Variants in TMEM132B observed in about 807,000 individuals in gnomAD.
TMEM132B encodes the protein transmembrane protein 132B.
Under a neutral mutation model 90.8 loss-of-function variants are expected in TMEM132B, and 18 were observed. The ratio of observed to expected loss-of-function variants is 0.20; its 90% confidence interval spans 0.14 to 0.29. TMEM132B has a LOEUF of 0.29. Among genes scored for constraint, TMEM132B ranks in the 10% least tolerant of loss-of-function variants. TMEM132B has a pLI of 1.00. For synonymous variants in TMEM132B, 504 were observed against 523.3 expected, an observed-to-expected ratio of 0.96 and a Z score of 0.50; for missense variants, 1,096 against 1,326.8, an observed-to-expected ratio of 0.83 and a Z score of 2.70.
At chr12:125,453,082 C>T (rs56863231) in intron 3 of TMEM132B, among the ~76,000 whole-genome samples, 1 of 110,916 alleles carries the variant, frequency 9.0e-6, no homozygotes, top group South Asian at 2.6e-4. Flanking sequence ...GTAAAACACA[C>T]ACACACACAC....
At position 125,619,112 on chromosome 12, in the gene TMEM132B, C is replaced by T. The variant is rs574490618; in HGVS notation, c.1438-24964C>T. ...GTATCAAATGGCTATGTTTATGTTG[C>T]CCCAATGATTTTCTTCTGGCTGTTT... On this transcript the variant is annotated intron_variant, in intron 5 of 8. Transcript: ENST00000682704. Among the ~76,000 whole-genome samples the T allele has an allele frequency of 1.9e-4, 29 of 152,062 alleles. No individual in the cohort carries two copies. In the South Asian group the frequency reaches 5.4e-3, roughly 28 times the overall value.
intron 1 of TMEM132B, among the ~76,000 whole-genome samples, chr12:125,240,401 G>A (rs912670859): frequency 2.0e-5 from 3 of 152,158 alleles, no homozygotes; most frequent in African/African-American, 7.2e-5. Context: ...TGTTATTAGA[G>A]CTGACATCTT....
In TMEM132B at chr12:125,407,800, C is replaced by T. The variant is rs568705840; in HGVS notation, c.960-7731C>T. ...ACATTTGGGTTCACCTGGAGACCTACCAGTGAACGTGGGCAGTGGTGGAGC... is the reference window on the plus strand; with the variant it reads ...ACATTTGGGTTCACCTGGAGACCTATCAGTGAACGTGGGCAGTGGTGGAGC... On this transcript the variant is annotated intron_variant, in intron 2 of 8. Transcript: ENST00000682704. This position sits in a 1 kb window ranked among gnomAD's most constrained non-coding sequence, Gnocchi z 6.7. Among the ~76,000 whole-genome samples the T allele has an allele frequency of 8.5e-5, 13 of 152,320 alleles. No homozygotes were observed. The highest frequency in any genetic ancestry group is 7.8e-4 in the Admixed American group (12 of 15,308).
chr12:125,246,339 C>T lies in TMEM132B; in HGVS notation c.67+59473C>T, dbSNP rs1331623464. Among the ~76,000 whole-genome samples, 2 of 152,180 alleles carry T rather than the reference C, an allele frequency of 1.3e-5. No individual in the cohort carries two copies. Among genetic ancestry groups the T allele is most frequent in the Non-Finnish European group, 2.9e-5 (2 of 68,034 alleles). ...GTTTGGAGTTAGGGAGCAAGTTGATCCGTGTAAATAATGCAAAGGATTATG... is the reference window on the plus strand; with the variant it reads ...GTTTGGAGTTAGGGAGCAAGTTGATTCGTGTAAATAATGCAAAGGATTATG... On this transcript the variant is annotated intron_variant, in intron 1 of 8. Coordinates refer to ENST00000682704, the MANE Select transcript of TMEM132B (RefSeq NM_001366854.1). The surrounding 1 kb of genome is among the most constrained non-coding windows in gnomAD (Gnocchi z 4.2).
chr12:125,589,547 T>A (rs986218649), intron 5 of TMEM132B, among the ~76,000 whole-genome samples: 2 of 149,296 alleles, frequency 1.3e-5, no homozygotes, highest in African/African-American at 4.9e-5. Flanking sequence ...AAAAGAGGTT[T>A]AATTGGCTCA....
chr12:125,420,261 T>C (rs1187054916), intron 3 of TMEM132B, among the ~76,000 whole-genome samples: 1 of 152,236 alleles, frequency 6.6e-6, no homozygotes, highest in Non-Finnish European at 1.5e-5. Context: ...GGTTCTCCAT[T>C]AGGGCTCTGC....
intron 3 of TMEM132B, among the ~76,000 whole-genome samples, chr12:125,422,273 GGTCTCAGAGCCA>G: frequency 6.6e-6 from 1 of 152,310 alleles, no homozygotes; most frequent in East Asian, 1.9e-4. Context: ...GATTTCCTGA[GGTCTCAGAGCCA>G]GTATGTGGTC....
At chr12:125,278,388 G>A (rs1875064344) in intron 1 of TMEM132B, among the ~76,000 whole-genome samples, 1 of 151,860 alleles carries the variant, frequency 6.6e-6, no homozygotes, top group African/African-American at 2.4e-5. Flanking sequence ...GTTTTTAAGT[G>A]AGGGCAACAA....
chr12:125,496,614 C>G (rs561881016), intron 3 of TMEM132B, among the ~76,000 whole-genome samples: 2 of 152,090 alleles, frequency 1.3e-5, no homozygotes, highest in Non-Finnish European at 2.9e-5. Context: ...GAGGCAAATG[C>G]GGTGCATTGG....
chr12:125,296,980 G>A (rs539435414), intron 1 of TMEM132B, among the ~76,000 whole-genome samples: 4 of 152,366 alleles, frequency 2.6e-5, no homozygotes, highest in African/African-American at 4.8e-5. Context: ...AGGTCTGCAC[G>A]AGCAGCTGTG....
chr12:125,225,328 C>T (rs142691345), intron 1 of TMEM132B, among the ~76,000 whole-genome samples: 3 of 152,330 alleles, frequency 2.0e-5, no homozygotes, highest in African/African-American at 7.2e-5. Context: ...AATGAAAATG[C>T]AGGTTAGAAA....
At chr12:125,502,375 G>GTTCA (rs1421457253) in intron 3 of TMEM132B, among the ~76,000 whole-genome samples, 1 of 152,218 alleles carries the variant, frequency 6.6e-6, no homozygotes, top group Middle Eastern at 3.2e-3. Flanking sequence ...GCTCTTCAAG[G>GTTCA]TTCAGCAGGA....
chr12:125,633,648 G>T (rs1235902624), intron 5 of TMEM132B, among the ~76,000 whole-genome samples: 2 of 152,214 alleles, frequency 1.3e-5, no homozygotes, highest in African/African-American at 4.8e-5. Flanking sequence ...CCCAAGCCCA[G>T]TAATGCTGTG....
intron 6 of TMEM132B, among the ~76,000 whole-genome samples, chr12:125,649,800 C>T (rs907624475): frequency 9.2e-5 from 14 of 152,122 alleles, no homozygotes; most frequent in Admixed American, 9.2e-4. Flanking sequence ...GGGGAACGTT[C>T]TGGAATTGCA....
chr12:125,577,715 A>T (rs182301872), intron 4 of TMEM132B, among the ~76,000 whole-genome samples: 187 of 151,966 alleles, frequency 1.2e-3, no homozygotes, highest in Admixed American at 2.2e-3. Context: ...TGAGATATTT[A>T]AATTTTCCCA....
chr12:125,363,293 T>C (rs1844914), intron 2 of TMEM132B, among the ~76,000 whole-genome samples: 2,778 of 152,288 alleles, frequency 0.018, 95 homozygotes, highest in African/African-American at 0.062. Context: ...CAACCCTGCC[T>C]ATACCTCTGT....
At chr12:125,214,915 C>G (rs183460489) in intron 1 of TMEM132B, among the ~76,000 whole-genome samples, 1 of 152,190 alleles carries the variant, frequency 6.6e-6, no homozygotes, top group African/African-American at 2.4e-5. Context: ...CCTCTGTGCT[C>G]GGTCTCCACA....
chr12:125,401,265 C>T (rs1879313466), intron 2 of TMEM132B, among the ~76,000 whole-genome samples: 2 of 152,178 alleles, frequency 1.3e-5, no homozygotes. Flanking sequence ...GCATGGTTCT[C>T]AGCACTATGG....
At chr12:125,557,908 A>G (rs1225726654) in intron 4 of TMEM132B, among the ~76,000 whole-genome samples, 6 of 152,112 alleles carry the variant, frequency 3.9e-5, no homozygotes, top group Non-Finnish European at 7.4e-5. Flanking sequence ...GGAGATGGTT[A>G]GAGTTAGAGA....
Sources: allele counts gnomAD v4.1 joint callset (sites outside exome capture counted in the v4.1 genomes callset), GRCh38; gene constraint gnomAD v4.1.1; non-coding constraint Gnocchi (gnomAD v3.1); transcripts MANE v1.5; gene names NCBI Gene and HGNC (gene_info 2026-07-23, HGNC 2026-07-21).